ANKRD36: variants seen among roughly 807,000 people sequenced by gnomAD.
ANKRD36 encodes the protein ankyrin repeat domain 36, also known as ankyrin repeat domain-containing protein 36A.
A neutral mutation model predicts 278.1 loss-of-function variants in ANKRD36; 179 were observed. The ratio of observed to expected loss-of-function variants is 0.64; its 90% CI spans 0.57 to 0.73. ANKRD36 has a LOEUF of 0.73. Ranked by LOEUF, ANKRD36 falls within the 30% of genes least tolerant of loss-of-function variation. The pLI is 0.00. For synonymous variants in ANKRD36, 320 were observed against 641.1 expected, an observed-to-expected ratio of 0.50 and a Z score of 7.57; for missense variants, 1,159 against 1,956.7, an observed-to-expected ratio of 0.59 and a Z score of 7.69.
intron 50 of ANKRD36, among the ~76,000 whole-genome samples, chr2:97,204,593 T>A (rs1331401284): frequency 1.3e-5 from 2 of 151,256 alleles, no homozygotes; most frequent in African/African-American, 4.8e-5. Context: ...AGAGAGGAAG[T>A]ATAGAATTAA....
intron 1 of ANKRD36, 76 bp from the exon 2 acceptor site, chr2:97,117,984 ATTTG>A (rs2035944896): frequency 1.3e-6 from 2 of 1,502,512 alleles, no homozygotes; most frequent in African/African-American, 2.8e-5. Context: ...AAAATTACAT[ATTTG>A]TTTTGAAGAC....
chr2:97,161,188 C>T (rs1034793809), intron 17 of ANKRD36, among the ~76,000 whole-genome samples: 6 of 152,282 alleles, frequency 3.9e-5, no homozygotes, highest in South Asian at 2.1e-4. Context: ...CCCCTTTGTG[C>T]CTCAAATTTG....
rs1211854056 is a variant in ANKRD36, at chr2:97,187,822, C to T, written c.2143+421C>T. ...GTAATAACCCATAGACACTGTAGAA[C>T]GAGAACTAAGGAGACCCCTGATGTA... On this transcript the variant is annotated intron_variant, in intron 32 of 75. Transcript: ENST00000420699. Among the ~76,000 whole-genome samples the T allele has an allele frequency of 1.1e-4, 17 of 151,602 alleles. 1 individual carries two copies. Among genetic ancestry groups the T allele is most frequent in the African/African-American group, 3.1e-4 (13 of 41,354 alleles).
At chr2:97,193,551 T>A (rs938891816) in intron 38 of ANKRD36, among the ~76,000 whole-genome samples, 1 of 145,386 alleles carries the variant, frequency 6.9e-6, no homozygotes, top group African/African-American at 2.5e-5. Flanking sequence ...GTCATTTATA[T>A]AATTTTGGGG....
intron 46 of ANKRD36, 73 bp downstream of exon 46, chr2:97,200,598 G>C: frequency 6.5e-7 from 1 of 1,530,826 alleles, no homozygotes; most frequent in Non-Finnish European, 8.8e-7. Context: ...TAAATCAGTC[G>C]GGGGCTGGTT....
At chr2:97,187,297 T>G (rs750119846) in intron 31 of ANKRD36, 32 bp from the exon 32 acceptor site, 3 of 1,595,700 alleles carry the variant, frequency 1.9e-6, no homozygotes, top group Non-Finnish European at 2.6e-6. Context: ...ATTGATTTAT[T>G]TATTTATTAT....
At chr2:97,198,171 T>G (rs555105288) in intron 42 of ANKRD36, among the ~76,000 whole-genome samples, 12 of 152,054 alleles carry the variant, frequency 7.9e-5, no homozygotes, top group African/African-American at 2.9e-4. Flanking sequence ...TAGATCACTT[T>G]GTCCTCATCA....
intron 6 of ANKRD36, among the ~76,000 whole-genome samples, chr2:97,129,536 A>G (rs2153426040): frequency 6.6e-6 from 1 of 152,226 alleles, no homozygotes; most frequent in South Asian, 2.1e-4. Flanking sequence ...TTAGACGTGA[A>G]GTCCTTGCCC....
intron 26 of ANKRD36, among the ~76,000 whole-genome samples, chr2:97,182,252 C>G (rs1303887619): frequency 2.7e-5 from 3 of 109,836 alleles, no homozygotes; most frequent in African/African-American, 5.2e-5. Context: ...GATTGTCAGG[C>G]AGGAAGGAGG....
chr2:97,132,990 A>AG (rs1420207697), intron 6 of ANKRD36, among the ~76,000 whole-genome samples: 1 of 152,128 alleles, frequency 6.6e-6, no homozygotes, highest in African/African-American at 2.4e-5. Context: ...CCACACTTCC[A>AG]GAAGAAAAGC....
chr2:97,209,300 G>T (rs1189559765), intron 54 of ANKRD36, among the ~76,000 whole-genome samples: 1 of 146,548 alleles, frequency 6.8e-6, no homozygotes, highest in Non-Finnish European at 1.5e-5. Flanking sequence ...CTTTTGATTT[G>T]TTGCATGAAA....
chr2:97,170,677 G>A (rs1483134872), intron 22 of ANKRD36, among the ~76,000 whole-genome samples: 3 of 151,886 alleles, frequency 2.0e-5, no homozygotes, highest in East Asian at 3.9e-4. Flanking sequence ...AAAAGCAATG[G>A]CAACAAAAGA....
intron 6 of ANKRD36, among the ~76,000 whole-genome samples, chr2:97,132,796 A>G (rs1257682588): frequency 6.6e-6 from 1 of 152,016 alleles, no homozygotes; most frequent in Non-Finnish European, 1.5e-5. Context: ...AGCCAGGCAC[A>G]AGCTTCCGGG....
In ANKRD36 at chr2:97,209,922, A is replaced by C. The variant is rs752152219; in HGVS notation, c.3367+50A>C. 6 of 1,537,078 alleles carry C rather than the reference A, an allele frequency of 3.9e-6. No individual in the cohort carries two copies. The South Asian group carries it at 7.3e-5, about 19-fold the overall frequency. Reference sequence around the variant, plus strand: ...TCATGTTCAGTCCAGATAGGTAAGAAATTCTCTTCCCTGAATAAATCAGCG... The same window carrying C: ...TCATGTTCAGTCCAGATAGGTAAGACATTCTCTTCCCTGAATAAATCAGCG... On this transcript the variant is annotated intron_variant, in intron 56 of 75. Coordinates refer to ENST00000420699, the MANE Select transcript of ANKRD36 (RefSeq NM_001354587.1).
intron 67 of ANKRD36, among the ~76,000 whole-genome samples, chr2:97,227,818 C>G (rs1160109069): frequency 6.6e-6 from 1 of 152,098 alleles, no homozygotes; most frequent in Non-Finnish European, 1.5e-5. Context: ...CCATCAATAC[C>G]TAATTTATTG....
intron 13 of ANKRD36, 103 bp downstream of exon 13, chr2:97,152,042 G>A (rs1412065300): frequency 2.1e-6 from 2 of 963,708 alleles, no homozygotes; most frequent in Non-Finnish European, 3.1e-6. Context: ...GCACAGGCTG[G>A]AGTGCAGTGG....
Position 97,122,892 on chromosome 2 carries a change from A to C in ANKRD36, c.492A>C (p.Glu164Asp), listed in dbSNP as rs1356214152. The part of the protein sequence containing the change: ...GTNIEECSKC[E>D]YQPLLFAVSR... Reference sequence around the variant, plus strand: ...TTGTTGCTGTTATTTTACAGTGTGAATATCAGCCACTGTTATTTGCTGTGA... The same window carrying C: ...TTGTTGCTGTTATTTTACAGTGTGACTATCAGCCACTGTTATTTGCTGTGA... The change falls in exon 4 of 76, where the codon GAA (glutamate) becomes GAC (aspartate). Residue 164 changes from glutamate (E) to aspartate (D), a missense_variant. By Grantham distance (45) the Glu-to-Asp change is conservative. Coordinates refer to ENST00000420699, the MANE Select transcript of ANKRD36 (RefSeq NM_001354587.1). 3 of 1,539,858 alleles carry C rather than the reference A, an allele frequency of 1.9e-6. No individual in the cohort carries two copies. In the African/African-American group the frequency reaches 4.1e-5, roughly 21 times the overall value.
chr2:97,203,652 A>T (rs2062003767), intron 48 of ANKRD36, among the ~76,000 whole-genome samples: 1 of 151,794 alleles, frequency 6.6e-6, no homozygotes, highest in Admixed American at 6.6e-5. Flanking sequence ...AGCATGATGA[A>T]TGTTTGTAGT....
At chr2:97,220,729 CTTT>C in intron 66 of ANKRD36, among the ~76,000 whole-genome samples, 9 of 66,494 alleles carry the variant, frequency 1.4e-4, no homozygotes, top group East Asian at 4.5e-4. Context: ...GATTTTCTTG[CTTT>C]TTTTTTTTTT....
Sources: gnomAD v4.1 joint callset for allele counts (sites outside exome capture counted in the v4.1 genomes callset) on GRCh38, gnomAD v4.1.1 for gene constraint, MANE v1.5 for transcripts, NCBI Gene and HGNC (gene_info 2026-07-23, HGNC 2026-07-21) for gene names.